The following PDE1C variants were observed in gnomAD, a reference collection of about 807,000 sequenced individuals.
PDE1C encodes dual specificity calcium/calmodulin-dependent 3',5'-cyclic nucleotide phosphodiesterase 1C.
PDE1C carries 62 observed loss-of-function variants against 93.1 expected under a neutral mutation model. That is an observed-to-expected ratio of 0.67 (90% CI 0.54 to 0.82). The LOEUF is 0.82. Among genes scored for constraint, PDE1C ranks in the 40% least tolerant of loss-of-function variants. The pLI, the probability that PDE1C is intolerant of heterozygous loss-of-function variation, is 0.00. For synonymous variants in PDE1C, 325 were observed against 310.1 expected, an observed-to-expected ratio of 1.05 and a Z score of -0.50; for missense variants, 742 against 884.6, an observed-to-expected ratio of 0.84 and a Z score of 2.04.
chr7:31,824,944 C>T lies in PDE1C; in HGVS notation c.1329G>A (p.Thr443=), dbSNP rs200420436. Reference sequence around the variant, plus strand: ...GACTCACAATCTTCTCGGTCATGTCCGTAAGCACAGTGAAGGTGGGTTCCA... The same window carrying T: ...GACTCACAATCTTCTCGGTCATGTCTGTAAGCACAGTGAAGGTGGGTTCCA... The part of the protein sequence containing the change: ...FIVEPTFTVL[T]DMTEKIVSPL... Residue 443 remains threonine, a synonymous_variant, in exon 13 of 18, where the codon ACG becomes ACA. Transcript: ENST00000396191. 114 of 1,613,342 alleles carry T rather than the reference C, an allele frequency of 7.1e-5. No homozygotes were observed. In the East Asian group the frequency reaches 7.8e-4, roughly 11 times the overall value.
At chr7:31,906,539 C>G (rs567931033) in intron 2 of PDE1C, among the ~76,000 whole-genome samples, 25 of 152,090 alleles carry the variant, frequency 1.6e-4, no homozygotes, top group Non-Finnish European at 3.1e-4. Context: ...CTTTTGGCCA[C>G]GTGTACTGTT....
At chr7:31,762,086 G>T (rs571789896) in intron 17 of PDE1C, among the ~76,000 whole-genome samples, 1 of 152,152 alleles carries the variant, frequency 6.6e-6, no homozygotes, top group South Asian at 2.1e-4. Flanking sequence ...TGCAAGTGCC[G>T]GGAAAATTTA....
At chr7:32,208,752 G>A (rs1805797848) in intron 2 of PDE1C, among the ~76,000 whole-genome samples, 2 of 152,062 alleles carry the variant, frequency 1.3e-5, no homozygotes, top group South Asian at 4.1e-4. Context: ...GTTCCAGGAA[G>A]TGCATTAACT....
In PDE1C at chr7:32,078,993, T is replaced by C. The variant is rs1019124828; in HGVS notation, c.308+90792A>G. Among the ~76,000 whole-genome samples, 6 of 152,098 alleles carry C rather than the reference T, an allele frequency of 3.9e-5. No homozygotes were observed. The East Asian group carries it at 9.6e-4, about 24-fold the overall frequency. ...CCAATAGGGAAGCATTAAAATCTGT[T>C]GAGCAGGTGTGTAGGAGATGCAAAG... On this transcript the variant is annotated intron_variant, in intron 3 of 18. Coordinates refer to the PDE1C transcript ENST00000396193.
At chr7:31,906,087 T>C (rs895026738) in intron 2 of PDE1C, among the ~76,000 whole-genome samples, 6 of 152,152 alleles carry the variant, frequency 3.9e-5, no homozygotes, top group African/African-American at 1.4e-4. Context: ...CAGTCTCAGG[T>C]ATGTCTTTAT....
rs1276976372 is a variant in PDE1C, at chr7:31,893,594, A to G, written c.129-12734T>C. 7.8e-6 allele frequency: 5 copies of G among 639,842 alleles called. No homozygotes were observed. In the African/African-American group the frequency reaches 9.9e-5, roughly 13 times the overall value. 39.6% of individuals were successfully genotyped at this position (639,842 alleles called of 1,614,324 possible). A position where few individuals can be genotyped will look rare whatever the true frequency, so the allele number is the denominator to read the frequency against. On this transcript the variant is annotated intron_variant, in intron 2 of 17. Coordinates refer to ENST00000396191, the MANE Select transcript of PDE1C (RefSeq NM_001191057.4). ...TCTGGCTTTCTCTGTGGTTAAAAATATGAGCTTGATATCGCTCAGGTAGTG... is the reference window on the plus strand; with the variant it reads ...TCTGGCTTTCTCTGTGGTTAAAAATGTGAGCTTGATATCGCTCAGGTAGTG...
intron 3 of PDE1C, among the ~76,000 whole-genome samples, chr7:32,108,230 C>T (rs867371081): frequency 7.8e-5 from 6 of 77,062 alleles, no homozygotes; most frequent in East Asian, 3.4e-4. Flanking sequence ...AAAAGCAAGA[C>T]AAAAAAAAAA....
intron 17 of PDE1C, among the ~76,000 whole-genome samples, chr7:31,765,455 G>T (rs1294627908): frequency 6.6e-6 from 1 of 152,134 alleles, no homozygotes; most frequent in East Asian, 1.9e-4. Context: ...TAAGTCTTTT[G>T]CTGTATTTTT....
chr7:31,866,005 G>A (rs1795249896), intron 6 of PDE1C, among the ~76,000 whole-genome samples: 6 of 152,212 alleles, frequency 3.9e-5, no homozygotes, highest in Admixed American at 3.3e-4. Context: ...TTTGTCGTCT[G>A]AAATATGTAT....
chr7:32,426,746 A>G (rs1266946263), intron 1 of PDE1C, among the ~76,000 whole-genome samples: 1 of 152,168 alleles, frequency 6.6e-6, no homozygotes, highest in African/African-American at 2.4e-5. Context: ...GAAAGGACAG[A>G]GTGTTTGTGT....
intron 1 of PDE1C, among the ~76,000 whole-genome samples, chr7:32,416,063 C>T (rs28432208): frequency 0.13 from 20,195 of 152,200 alleles, 2,479 homozygotes; most frequent in African/African-American, 0.32. Context: ...CCCGCCTCCC[C>T]CAGGCAGCCT....
upstream of PDE1C, among the ~76,000 whole-genome samples, chr7:32,299,656 C>A (rs146100966): frequency 4.6e-5 from 7 of 152,226 alleles, no homozygotes; most frequent in Non-Finnish European, 8.8e-5. Flanking sequence ...AAAAGTGCTA[C>A]ACAAGGAAGT....
intron 2 of PDE1C, among the ~76,000 whole-genome samples, chr7:31,971,341 T>G (rs1473590873): frequency 2.0e-5 from 3 of 152,132 alleles, no homozygotes; most frequent in Admixed American, 2.0e-4. Context: ...TACACAGACC[T>G]GGGAACTGAA....
rs1202999404 is a variant in PDE1C, at chr7:31,789,929, G to A, written c.1892-14197C>T. ...GCCAGACAGATGCCTTGAAAGCCAG[G>A]TCATTAGCAAAGGATTTTGAGGATG... On this transcript the variant is annotated intron_variant, in intron 16 of 17. Transcript: ENST00000396191. 17 of 1,153,998 alleles carry A rather than the reference G, an allele frequency of 1.5e-5. No individual in the cohort carries two copies. The Admixed American group carries it at 3.6e-4, about 25-fold the overall frequency. 71.5% of individuals were successfully genotyped at this position (1,153,998 alleles called of 1,614,324 possible).
At chr7:31,694,569 T>C in the PDE1C span, among the ~76,000 whole-genome samples, 1 of 152,154 alleles carries the variant, frequency 6.6e-6, no homozygotes, top group Admixed American at 6.5e-5. Context: ...ATCCATTTAT[T>C]GCAGGGAGAG....
At chr7:32,202,910 G>A (rs1805122422) in intron 2 of PDE1C, among the ~76,000 whole-genome samples, 1 of 151,970 alleles carries the variant, frequency 6.6e-6, no homozygotes, top group Non-Finnish European at 1.5e-5. Flanking sequence ...TAACTACAGG[G>A]ATTATGTTGT....
At chr7:31,750,327 T>A (rs1429303935), downstream of PDE1C, among the ~76,000 whole-genome samples, 1 of 152,064 alleles carries the variant, frequency 6.6e-6, no homozygotes, top group Non-Finnish European at 1.5e-5. Flanking sequence ...GGTGGAGAAA[T>A]TGTTGGAGGT....
At chr7:32,193,893 GT>G (rs869297947) in intron 2 of PDE1C, among the ~76,000 whole-genome samples, 45 of 132,442 alleles carry the variant, frequency 3.4e-4, no homozygotes, top group South Asian at 1.8e-3. Context: ...AGTTTATGTG[GT>G]TTTTTTTTTT....
upstream of PDE1C, chr7:32,070,515 G>A: frequency 3.3e-6 from 5 of 1,517,216 alleles, no homozygotes; most frequent in East Asian, 2.4e-5. Flanking sequence ...GCACTTTCTC[G>A]GCGCGCTCCC....
Sources: allele counts gnomAD v4.1 joint callset (sites outside exome capture counted in the v4.1 genomes callset), GRCh38; gene constraint gnomAD v4.1.1; transcripts MANE v1.5; gene names NCBI Gene and HGNC (gene_info 2026-07-23, HGNC 2026-07-21).